The following PARD3 variants were observed in gnomAD, a reference collection of about 807,000 sequenced individuals.
PARD3 encodes partitioning defective 3 homolog.
PARD3 carries 75 observed loss-of-function variants against 155.4 expected under a neutral mutation model. The ratio of observed to expected loss-of-function variants is 0.48; its 90% CI spans 0.40 to 0.58. The LOEUF is 0.58. Ranked by LOEUF, PARD3 falls within the 20% of genes least tolerant of loss-of-function variation. The probability of loss-of-function intolerance (pLI) is 0.00; values close to 1 mark genes in which losing one functional copy is unlikely to be tolerated. For synonymous variants in PARD3, 576 were observed against 610.5 expected (o/e 0.94, Z 0.83); for missense variants, 1,642 against 1,721.7 (o/e 0.95, Z 0.82).
chr10:34,789,080 T>G (rs1318386209), intron 1 of PARD3, among the ~76,000 whole-genome samples: 1 of 152,216 alleles, frequency 6.6e-6, no homozygotes, highest in African/African-American at 2.4e-5. Context: ...CCAACAATAG[T>G]TAACTAGGTT....
intron 15 of PARD3, chr10:34,346,163 C>G (rs1459749238): frequency 9.1e-7 from 1 of 1,098,618 alleles, no homozygotes; most frequent in Non-Finnish European, 1.1e-6. Flanking sequence ...CAGTACATAT[C>G]TAGCAGAAGG....
At chr10:34,322,404 T>C (rs1343548520) in intron 19 of PARD3, among the ~76,000 whole-genome samples, 1 of 152,178 alleles carries the variant, frequency 6.6e-6, no homozygotes, top group Non-Finnish European at 1.5e-5. Context: ...TGTAGGAAAA[T>C]GTATTTCCTT....
chr10:34,722,927 G>A (rs535314554), intron 1 of PARD3, among the ~76,000 whole-genome samples: 7 of 152,268 alleles, frequency 4.6e-5, no homozygotes, highest in African/African-American at 1.7e-4. Flanking sequence ...GGGTACAGAA[G>A]AAACAAGATT....
At chr10:34,444,882 C>T (rs2076656868) in intron 5 of PARD3, among the ~76,000 whole-genome samples, 1 of 152,080 alleles carries the variant, frequency 6.6e-6, no homozygotes, top group Admixed American at 6.6e-5. Flanking sequence ...CTGATAAGGT[C>T]ATAACTGCCT....
chr10:34,630,131 A>G (rs1447664104), intron 2 of PARD3, among the ~76,000 whole-genome samples: 1 of 152,224 alleles, frequency 6.6e-6, no homozygotes, highest in Non-Finnish European at 1.5e-5. Context: ...CGACATAGCA[A>G]TGGTACTCCT....
intron 1 of PARD3, among the ~76,000 whole-genome samples, chr10:34,805,566 T>TAC (rs68146105): frequency 1.5e-4 from 21 of 139,984 alleles, no homozygotes; most frequent in African/African-American, 4.9e-4. Flanking sequence ...TATATATATA[T>TAC]ACACCGTACA....
chr10:34,111,061 A>G lies in PARD3; in HGVS notation c.*108T>C, dbSNP rs1946358821. The G allele has an allele frequency of 1.6e-6, 2 of 1,257,206 alleles. No homozygotes were observed. Among genetic ancestry groups the G allele is most frequent in the Non-Finnish European group, 2.2e-6 (2 of 915,330 alleles). The allele number at this position is 1,257,206 out of a possible 1,614,324, so 77.9% of individuals were successfully genotyped here. ...GCTTAAAGGCACTGATACCAACAACAGAAATACTCCATAGTACCATCGAGG... is the reference window on the plus strand; with the variant it reads ...GCTTAAAGGCACTGATACCAACAACGGAAATACTCCATAGTACCATCGAGG... On this transcript the variant is annotated 3_prime_UTR_variant, in exon 25 of 25. Transcript: ENST00000374788.
chr10:34,728,094 G>C (rs767784270), intron 1 of PARD3, among the ~76,000 whole-genome samples: 2 of 152,104 alleles, frequency 1.3e-5, no homozygotes, highest in Non-Finnish European at 1.5e-5. Flanking sequence ...GCATTTCGAG[G>C]CTTCACAGTA....
At chr10:34,359,349 T>G in intron 13 of PARD3, 32 bp from the exon 14 acceptor site, 1 of 1,492,836 alleles carries the variant, frequency 6.7e-7, no homozygotes, top group Non-Finnish European at 9.2e-7. Context: ...ATAAGTGCTA[T>G]TAAACAGACT....
At chr10:34,640,562 T>C (rs970508375) in intron 2 of PARD3, among the ~76,000 whole-genome samples, 7 of 151,472 alleles carry the variant, frequency 4.6e-5, no homozygotes, top group African/African-American at 1.5e-4. Context: ...ATACAAAAAT[T>C]AGCTGGGCAT....
chr10:34,305,449 C>T (rs1047040550), intron 20 of PARD3, among the ~76,000 whole-genome samples: 1 of 152,256 alleles, frequency 6.6e-6, no homozygotes, highest in Non-Finnish European at 1.5e-5. Context: ...GCCCACAAAG[C>T]TTGTAAGGAG....
intron 1 of PARD3, among the ~76,000 whole-genome samples, chr10:34,804,648 A>G (rs1843150719): frequency 6.6e-6 from 1 of 152,244 alleles, no homozygotes; most frequent in East Asian, 1.9e-4. Context: ...GTGGTATAAG[A>G]AAATACGTTT....
chr10:34,408,793 TG>T (rs1240742754), intron 5 of PARD3, among the ~76,000 whole-genome samples: 12 of 151,670 alleles, frequency 7.9e-5, no homozygotes, highest in Admixed American at 7.2e-4. Flanking sequence ...AAAACATTCA[TG>T]AAAAAAATGC....
At chr10:34,394,809 A>G (rs111862067) in intron 7 of PARD3, among the ~76,000 whole-genome samples, 19 of 152,326 alleles carry the variant, frequency 1.2e-4, no homozygotes, top group African/African-American at 3.4e-4. Context: ...TTGTTAATAT[A>G]GTAACACCAT....
In PARD3 at chr10:34,111,304, C is replaced by G. The variant is rs552226789; in HGVS notation, c.3927G>C (p.Ser1309=). ...PPSEGPSNYD[S]YKKVQDPSYA... ...AACTGGGGTCCTGGACTTTCTTATA[C>G]GAGTCATAGTTGCTGGGCCCCTCGG... is the stretch of plus-strand genomic sequence containing the variant. Residue 1309 remains serine, a synonymous_variant, in exon 25 of 25, where the codon TCG becomes TCC. Coordinates refer to ENST00000374788, the MANE Select transcript of PARD3 (RefSeq NM_001184785.2). The G allele has an allele frequency of 6.2e-7, 1 of 1,614,036 alleles. No individual in the cohort carries two copies.
intron 3 of PARD3, among the ~76,000 whole-genome samples, chr10:34,508,317 A>G (rs1199948197): frequency 6.6e-6 from 1 of 152,222 alleles, no homozygotes; most frequent in East Asian, 1.9e-4. Flanking sequence ...AAATGAAATA[A>G]ATCAGATACT....
intron 1 of PARD3, among the ~76,000 whole-genome samples, chr10:34,777,930 G>GGA (rs138362655): frequency 0.023 from 3,563 of 152,226 alleles, 138 homozygotes; most frequent in African/African-American, 0.082. Flanking sequence ...CCTCCCGCAA[G>GGA]GAGGCCTTTG....
At chr10:34,651,384 G>C (rs2093010225) in intron 2 of PARD3, among the ~76,000 whole-genome samples, 1 of 152,190 alleles carries the variant, frequency 6.6e-6, no homozygotes, top group Non-Finnish European at 1.5e-5. Context: ...TGCAGAGGAA[G>C]AAGCCTGCAC....
At chr10:34,542,733 C>T (rs2133898583) in intron 2 of PARD3, among the ~76,000 whole-genome samples, 1 of 152,196 alleles carries the variant, frequency 6.6e-6, no homozygotes, top group East Asian at 1.9e-4. Context: ...ATCATAGGTG[C>T]TCATTGCAGA....
Sources: gnomAD v4.1 joint callset for allele counts (sites outside exome capture counted in the v4.1 genomes callset) on GRCh38, gnomAD v4.1.1 for gene constraint, MANE v1.5 for transcripts, NCBI Gene and HGNC (gene_info 2026-07-23, HGNC 2026-07-21) for gene names.